The following PCDH11X variants were observed in gnomAD, a reference collection of about 807,000 sequenced individuals.
The protein encoded by PCDH11X is protocadherin 11 X-linked.
PCDH11X carries 18 observed loss-of-function variants against 53.3 expected under a neutral mutation model. The ratio of observed to expected loss-of-function variants is 0.34; its 90% CI spans 0.23 to 0.50. PCDH11X has a LOEUF of 0.50. Ranked by LOEUF, PCDH11X falls within the 20% of genes least tolerant of loss-of-function variation. The pLI, the probability that PCDH11X is intolerant of heterozygous loss-of-function variation, is 0.98. For synonymous variants in PCDH11X, 279 were observed against 393.3 expected (o/e 0.71, Z 3.44); for missense variants, 570 against 1,032.4 (o/e 0.55, Z 6.14).
At chrX:91,868,871 A>G (rs1939130636) in intron 5 of PCDH11X, among the ~76,000 whole-genome samples, 1 of 111,640 alleles carries the variant, frequency 9.0e-6, no homozygotes, top group Non-Finnish European at 1.9e-5. Flanking sequence ...CCTGCAACAT[A>G]AAAAGCTTTT....
At chrX:91,819,962 A>G (rs1404726147) in intron 4 of PCDH11X, among the ~76,000 whole-genome samples, 1 of 98,300 alleles carries the variant, frequency 1.0e-5, no homozygotes, top group African/African-American at 3.9e-5. Context: ...GAGAATGATG[A>G]TTTCCAATTT....
chrX:92,023,461 C>T (rs780223473), intron 6 of PCDH11X, among the ~76,000 whole-genome samples: 4 of 109,616 alleles, frequency 3.6e-5, no homozygotes, highest in Non-Finnish European at 7.6e-5. Flanking sequence ...AAGACTAAAC[C>T]AGGAAGAAGT....
intron 6 of PCDH11X, among the ~76,000 whole-genome samples, chrX:92,186,102 A>T (rs2148299011): frequency 9.0e-6 from 1 of 111,552 alleles, no homozygotes; most frequent in East Asian, 2.8e-4. Flanking sequence ...ATATAGAATC[A>T]ACCTAAGTGC....
At chrX:92,602,050 C>T (rs1412344408) in intron 10 of PCDH11X, among the ~76,000 whole-genome samples, 1 of 112,121 alleles carries the variant, frequency 8.9e-6, no homozygotes, top group Non-Finnish European at 1.9e-5. Flanking sequence ...GGATACTTCA[C>T]CTGTCTGCTA....
At chrX:92,142,161 T>A (rs57669539) in intron 6 of PCDH11X, among the ~76,000 whole-genome samples, 14,743 of 100,566 alleles carry the variant, frequency 0.15, 1,372 homozygotes, top group African/African-American at 0.36. Context: ...TATTATTATT[T>A]TTTTTTTTTT....
chrX:91,972,012 T>C (rs1207024063), intron 6 of PCDH11X, among the ~76,000 whole-genome samples: 1 of 111,548 alleles, frequency 9.0e-6, no homozygotes, highest in Non-Finnish European at 1.9e-5. Flanking sequence ...ATGGTGACTA[T>C]AGTTAATAAC....
intron 6 of PCDH11X, among the ~76,000 whole-genome samples, chrX:91,923,456 G>A (rs1042495449): frequency 1.9e-5 from 2 of 106,875 alleles, no homozygotes; most frequent in African/African-American, 3.4e-5. Context: ...TTTCTCCTGT[G>A]CTGGATGCTT....
At chrX:92,176,041 T>G in intron 6 of PCDH11X, among the ~76,000 whole-genome samples, 1 of 110,642 alleles carries the variant, frequency 9.0e-6, no homozygotes, top group Middle Eastern at 4.6e-3. Context: ...AAACTGCTGA[T>G]GTTTTTTAAT....
intron 8 of PCDH11X, among the ~76,000 whole-genome samples, chrX:92,283,446 A>G (rs919864483): frequency 9.0e-6 from 1 of 111,590 alleles, no homozygotes; most frequent in Non-Finnish European, 1.9e-5. Flanking sequence ...CCTTTGCCCT[A>G]TCACAATGGA....
intron 6 of PCDH11X, among the ~76,000 whole-genome samples, chrX:91,917,277 C>T (rs1192119179): frequency 9.4e-6 from 1 of 106,564 alleles, no homozygotes; most frequent in African/African-American, 3.4e-5. Flanking sequence ...AGTTTTACCA[C>T]TTCTCTTCAA....
chrX:92,276,604 G>T (rs1020265619), intron 8 of PCDH11X, among the ~76,000 whole-genome samples: 6 of 111,252 alleles, frequency 5.4e-5, no homozygotes, highest in African/African-American at 1.6e-4. Flanking sequence ...GTGTGCTGGA[G>T]ATGTGGCTGG....
intron 6 of PCDH11X, among the ~76,000 whole-genome samples, chrX:91,973,568 G>A (rs1369630894): frequency 9.6e-6 from 1 of 104,304 alleles, no homozygotes; most frequent in Non-Finnish European, 2.0e-5. Context: ...ATTTCATAAT[G>A]TATACATACA....
At chrX:92,179,975 G>T (rs1280015241) in intron 6 of PCDH11X, among the ~76,000 whole-genome samples, 1 of 110,968 alleles carries the variant, frequency 9.0e-6, no homozygotes, top group Admixed American at 9.6e-5. Flanking sequence ...CCTGGACCTC[G>T]CTCTCTCCGT....
intron 6 of PCDH11X, among the ~76,000 whole-genome samples, chrX:91,999,707 C>T (rs1363235183): frequency 9.2e-6 from 1 of 109,122 alleles, no homozygotes; most frequent in Non-Finnish European, 1.9e-5. Context: ...CAGAGGTAGT[C>T]ATGGAATCAG....
intron 6 of PCDH11X, among the ~76,000 whole-genome samples, chrX:92,150,973 C>T (rs1031694207): frequency 5.4e-5 from 6 of 110,671 alleles, no homozygotes; most frequent in Non-Finnish European, 9.4e-5. Context: ...TGTTTGTTTG[C>T]TTGTATTTTG....
chrX:91,839,875 A>G (rs1479863300), intron 5 of PCDH11X, among the ~76,000 whole-genome samples: 1 of 111,571 alleles, frequency 9.0e-6, no homozygotes, highest in Admixed American at 9.6e-5. Context: ...AAGTAAAATC[A>G]TACTGCAATG....
chrX:91,882,968 A>G lies in PCDH11X; in HGVS notation c.3033+3695A>G, dbSNP rs372664366. 4.3e-6 allele frequency: 5 copies of G among 1,173,016 alleles called. No homozygotes were observed. The African/African-American group carries it at 8.9e-5, about 21-fold the overall frequency. On this transcript the variant is annotated intron_variant, in intron 6 of 10. Transcript: ENST00000682573. ...GAGATATAACTTTCTAGGAACAACA[A>G]AATTCCATTCCCCTTCCAAAAAATT...
chrX:92,124,555 A>T (rs2064828582), intron 6 of PCDH11X, among the ~76,000 whole-genome samples: 1 of 108,540 alleles, frequency 9.2e-6, no homozygotes, highest in South Asian at 4.1e-4. Flanking sequence ...AAAAAAAAAA[A>T]AAAAATAGGC....
rs192868333 is a variant in PCDH11X, at chrX:91,962,379, C to T, written c.3033+83106C>T. Among the ~76,000 whole-genome samples the T allele has an allele frequency of 4.4e-4, 50 of 112,686 alleles. No homozygotes were observed. The Middle Eastern group carries it at 0.014, about 31-fold the overall frequency. ...CATGCAAGTCCAAAATCCAGTGGGG[C>T]AGTCAAATCTTAAAGTTCTAAAATG... On this transcript the variant is annotated intron_variant, in intron 6 of 10. Transcript: ENST00000682573.
Sources: gnomAD v4.1 joint callset for allele counts (sites outside exome capture counted in the v4.1 genomes callset) on GRCh38, gnomAD v4.1.1 for gene constraint, MANE v1.5 for transcripts, NCBI Gene and HGNC (gene_info 2026-07-23, HGNC 2026-07-21) for gene names.